Variants in MAOB observed in about 807,000 individuals in gnomAD.
MAOB encodes the protein monoamine oxidase B.
Under a neutral mutation model 41.9 loss-of-function variants are expected in MAOB, and 15 were observed. The ratio of observed to expected loss-of-function variants is 0.36; its 90% CI spans 0.24 to 0.55. The LOEUF is 0.55. Among genes scored for constraint, MAOB ranks in the 20% least tolerant of loss-of-function variants. The pLI, the probability that MAOB is intolerant of heterozygous loss-of-function variation, is 0.86. For synonymous variants in MAOB, 167 were observed against 144.2 expected (o/e 1.16, Z -1.13); for missense variants, 345 against 398.7 (o/e 0.87, Z 1.15).
At chrX:43,882,208 T>C (rs1392126956) in intron 1 of MAOB, 46 bp downstream of exon 1, 4 of 1,200,810 alleles carry the variant, frequency 3.3e-6, no homozygotes, top group Middle Eastern at 2.3e-4. Flanking sequence ...GGCAGCCACC[T>C]GTCCGAGCGC....
At chrX:43,784,529 G>A (rs2034375399) in intron 8 of MAOB, among the ~76,000 whole-genome samples, 2 of 112,192 alleles carry the variant, frequency 1.8e-5, no homozygotes, top group Non-Finnish European at 3.8e-5. Flanking sequence ...TTTCTTCTCA[G>A]CAGTAGGTCT....
At chrX:43,835,294 C>T (rs1318073217) in intron 3 of MAOB, among the ~76,000 whole-genome samples, 1 of 112,100 alleles carries the variant, frequency 8.9e-6, no homozygotes, top group African/African-American at 3.2e-5. Context: ...ATCTAAACAG[C>T]TGCCTTCTAA....
chrX:43,828,380 A>T (rs1323873981), intron 3 of MAOB, among the ~76,000 whole-genome samples: 3 of 111,251 alleles, frequency 2.7e-5, no homozygotes, highest in Admixed American at 9.6e-5. Flanking sequence ...ACTTTTTTTT[A>T]AATTCCTGGA....
intron 1 of MAOB, among the ~76,000 whole-genome samples, chrX:43,855,814 T>C (rs1305104482): frequency 9.0e-6 from 1 of 111,064 alleles, no homozygotes; most frequent in South Asian, 3.8e-4. Flanking sequence ...CAGGAAGGGA[T>C]AGGGGAACAG....
intron 5 of MAOB, among the ~76,000 whole-genome samples, chrX:43,797,503 T>C (rs1380857453): frequency 1.8e-5 from 2 of 112,225 alleles, no homozygotes; most frequent in African/African-American, 6.5e-5. Flanking sequence ...TTCCAGATTC[T>C]GTGCTTTCAT....
At chrX:43,870,169 G>A (rs2035391749) in intron 1 of MAOB, among the ~76,000 whole-genome samples, 1 of 112,596 alleles carries the variant, frequency 8.9e-6, no homozygotes, top group African/African-American at 3.2e-5. Flanking sequence ...GCTTGGAATA[G>A]ATGGACAGCG....
chrX:43,798,288 A>G (rs73472082), intron 5 of MAOB, among the ~76,000 whole-genome samples: 4,322 of 112,274 alleles, frequency 0.038, 235 homozygotes, highest in African/African-American at 0.13. Context: ...GTAAGCACTC[A>G]ATAATTACTT....
chrX:43,827,626 G>A (rs2034965117), intron 3 of MAOB, among the ~76,000 whole-genome samples: 1 of 111,575 alleles, frequency 9.0e-6, no homozygotes, highest in African/African-American at 3.3e-5. Context: ...CAGATTCATA[G>A]AGAGGAGGCA....
In MAOB at chrX:43,810,199, C is replaced by T. The variant is rs1438355852; in HGVS notation, c.280-6795G>A. ...CGGAGCTTGCAGTGAGCCGAGATCG[C>T]GCCACTGCACTCCAGCCTGGGCGAC... On this transcript the variant is annotated intron_variant, in intron 3 of 14. Transcript: ENST00000378069. Among the ~76,000 whole-genome samples, 5 of 81,300 alleles carry T rather than the reference C, an allele frequency of 6.2e-5. No homozygotes were observed. In the East Asian group the frequency reaches 1.9e-3, roughly 31 times the overall value. The allele number at this position is 81,300 out of a possible 115,157, so 70.6% of individuals were successfully genotyped here. A position where few individuals can be genotyped will look rare whatever the true frequency, so the allele number is the denominator to read the frequency against.
At chrX:43,834,124 G>T (rs2035046899) in intron 3 of MAOB, among the ~76,000 whole-genome samples, 1 of 111,997 alleles carries the variant, frequency 8.9e-6, no homozygotes, top group African/African-American at 3.3e-5. Flanking sequence ...GGTAGAAAAG[G>T]TTCATTAAGC....
intron 1 of MAOB, among the ~76,000 whole-genome samples, chrX:43,853,955 C>G (rs2035271916): frequency 8.9e-6 from 1 of 112,629 alleles, no homozygotes; most frequent in African/African-American, 3.2e-5. Flanking sequence ...CCCTAGCCAA[C>G]TAATATACAT....
intron 1 of MAOB, among the ~76,000 whole-genome samples, chrX:43,862,052 G>A (rs756500303): frequency 2.7e-5 from 3 of 111,355 alleles, no homozygotes; most frequent in Admixed American, 9.6e-5. Context: ...TGAGAAACCC[G>A]TGCTACTTTT....
intron 3 of MAOB, among the ~76,000 whole-genome samples, chrX:43,820,049 A>G: frequency 8.9e-6 from 1 of 112,535 alleles, no homozygotes. Context: ...AACAACTCCT[A>G]TTATACATTT....
intron 3 of MAOB, among the ~76,000 whole-genome samples, chrX:43,816,712 TC>T (rs1401521151): frequency 8.9e-6 from 1 of 112,085 alleles, no homozygotes; most frequent in African/African-American, 3.2e-5. Flanking sequence ...ATGTTCAATG[TC>T]CATACTTGCT....
intron 3 of MAOB, among the ~76,000 whole-genome samples, chrX:43,834,427 G>A (rs981779825): frequency 8.9e-6 from 1 of 111,841 alleles, no homozygotes; most frequent in East Asian, 2.8e-4. Context: ...ACAACAGGAC[G>A]ATTTCCATTT....
chrX:43,835,807 T>G (rs2035066076), intron 3 of MAOB, among the ~76,000 whole-genome samples: 1 of 112,069 alleles, frequency 8.9e-6, no homozygotes, highest in Admixed American at 9.5e-5. Flanking sequence ...CACCATGAGC[T>G]ACTGTGCCCT....
rs757358839 is a variant in MAOB, at chrX:43,778,753, G to C, written c.1080-14C>G. 4.3e-6 allele frequency: 5 copies of C among 1,160,046 alleles called. No individual in the cohort carries two copies. Among genetic ancestry groups the C allele is most frequent in the Non-Finnish European group, 5.8e-6 (5 of 856,746 alleles). On this transcript the variant is annotated splice_polypyrimidine_tract_variant and intron_variant, in intron 10 of 14. Transcript: ENST00000378069. ...AGTTTCTTCAACCTGTGAATGAAAAGAGACAAAAGAGAAAATAAAGGAAAG... is the reference window on the plus strand; with the variant it reads ...AGTTTCTTCAACCTGTGAATGAAAACAGACAAAAGAGAAAATAAAGGAAAG...
At position 43,781,556 on chromosome X, in the gene MAOB, G is replaced by A; in HGVS notation, c.929-12C>T. ...GGTTCCACAGTAATCTTAGAGAACA[G>A]CAAAATGGAAGAGCATATTCATCAC... On this transcript the variant is annotated splice_polypyrimidine_tract_variant and intron_variant, in intron 8 of 14. Coordinates refer to ENST00000378069, the MANE Select transcript of MAOB (RefSeq NM_000898.5). 3.1e-6 allele frequency: 3 copies of A among 977,600 alleles called. No homozygotes were observed. Among genetic ancestry groups the A allele is most frequent in the Non-Finnish European group, 4.3e-6 (3 of 693,364 alleles). 80.6% of individuals were successfully genotyped at this position (977,600 alleles called of 1,213,427 possible). A position where few individuals can be genotyped will look rare whatever the true frequency, so the allele number is the denominator to read the frequency against.
intron 1 of MAOB, among the ~76,000 whole-genome samples, chrX:43,849,980 G>A (rs187112582): frequency 8.1e-4 from 91 of 112,533 alleles, no homozygotes; most frequent in African/African-American, 2.7e-3. Context: ...TCAGCCAACA[G>A]TAATAACCAC....
Sources: gnomAD v4.1 joint callset for allele counts (sites outside exome capture counted in the v4.1 genomes callset) on GRCh38, gnomAD v4.1.1 for gene constraint, MANE v1.5 for transcripts, NCBI Gene and HGNC (gene_info 2026-07-23, HGNC 2026-07-21) for gene names.